LRRC4C: variants seen among roughly 807,000 people sequenced by gnomAD.
LRRC4C encodes the protein leucine rich repeat containing 4C.
A neutral mutation model predicts 33.6 loss-of-function variants in LRRC4C; 5 were observed. That is an observed-to-expected ratio of 0.15 (90% CI 0.08 to 0.31). The LOEUF (loss-of-function observed/expected upper bound fraction) is 0.31, where lower values mean the gene tolerates loss of function less well. Ranked by LOEUF, LRRC4C falls within the 10% of genes least tolerant of loss-of-function variation. LRRC4C has a pLI of 1.00. For synonymous variants in LRRC4C, 329 were observed against 302.0 expected, an observed-to-expected ratio of 1.09 and a Z score of -0.93; for missense variants, 560 against 796.7, an observed-to-expected ratio of 0.70 and a Z score of 3.58.
chr11:40,681,728 C>T (rs754171211), intron 2 of LRRC4C, among the ~76,000 whole-genome samples: 1 of 151,920 alleles, frequency 6.6e-6, no homozygotes, highest in African/African-American at 2.4e-5. Flanking sequence ...GGTGAAACCC[C>T]GTCTCTACAA....
chr11:40,727,677 G>A (rs188776271), intron 2 of LRRC4C, among the ~76,000 whole-genome samples: 1 of 152,068 alleles, frequency 6.6e-6, no homozygotes, highest in Admixed American at 6.5e-5. Flanking sequence ...TCGATATCCC[G>A]AACCTATAAG....
At chr11:40,466,450 A>G (rs112428268) in intron 3 of LRRC4C, among the ~76,000 whole-genome samples, 78 of 151,992 alleles carry the variant, frequency 5.1e-4, no homozygotes, top group Non-Finnish European at 7.1e-4. Flanking sequence ...TAAAAAGAAA[A>G]ATTACTCTGA....
At chr11:40,226,202 G>T (rs1312464953) in intron 5 of LRRC4C, among the ~76,000 whole-genome samples, 1 of 152,174 alleles carries the variant, frequency 6.6e-6, no homozygotes, top group Non-Finnish European at 1.5e-5. Flanking sequence ...CTTGTTCAAA[G>T]TCTTAAGCTC....
intron 2 of LRRC4C, among the ~76,000 whole-genome samples, chr11:40,731,069 C>G (rs530486567): frequency 4.5e-4 from 68 of 152,294 alleles, no homozygotes; most frequent in Middle Eastern, 3.4e-3. Context: ...CCTGTAATCC[C>G]AGCATTCTGG....
rs547622695 is a variant in LRRC4C at position 40,547,410 on chromosome 11, G to A, written c.-270+100732C>T. On this transcript the variant is annotated intron_variant, in intron 3 of 6. Transcript: ENST00000528697. ...CCTATTGCTAAGTGAATCCAGCATG[G>A]TACGCAAGGGTTACAAGCAGTGAGT... 3.3e-5 allele frequency among the ~76,000 whole-genome samples: 5 copies of A among 152,130 alleles called. No individual in the cohort carries two copies. In the South Asian group the frequency reaches 1.0e-3, roughly 32 times the overall value.
At chr11:40,467,455 G>A (rs1230564886) in intron 3 of LRRC4C, among the ~76,000 whole-genome samples, 1 of 152,090 alleles carries the variant, frequency 6.6e-6, no homozygotes, top group Non-Finnish European at 1.5e-5. Context: ...GAAAGTCATA[G>A]CATAACTATG....
chr11:41,034,433 A>AACACAC (rs3067314), intron 1 of LRRC4C, among the ~76,000 whole-genome samples: 2 of 139,202 alleles, frequency 1.4e-5, no homozygotes. Flanking sequence ...GAACAATCCA[A>AACACAC]ACACACACAC....
At chr11:41,449,793 C>T (rs11601124) in intron 1 of LRRC4C, among the ~76,000 whole-genome samples, 278 of 147,770 alleles carry the variant, frequency 1.9e-3, no homozygotes, top group Non-Finnish European at 3.3e-3. Flanking sequence ...AAAGCTTTTT[C>T]GCTTCTTTAA....
intron 3 of LRRC4C, among the ~76,000 whole-genome samples, chr11:40,634,337 C>G (rs1162361524): frequency 6.6e-6 from 1 of 152,064 alleles, no homozygotes; most frequent in Non-Finnish European, 1.5e-5. Flanking sequence ...TATATATACA[C>G]ATATATGTGG....
chr11:40,150,736 C>G (rs188120071), intron 5 of LRRC4C, among the ~76,000 whole-genome samples: 1 of 152,224 alleles, frequency 6.6e-6, no homozygotes, highest in East Asian at 1.9e-4. Flanking sequence ...GCCACCGTGC[C>G]CAGCCTGATT....
intron 4 of LRRC4C, among the ~76,000 whole-genome samples, chr11:40,257,627 G>GCCAATAAAACATAAAAGACGGCTTAGT (rs2136228131): frequency 6.6e-6 from 1 of 152,180 alleles, no homozygotes; most frequent in South Asian, 2.1e-4. Flanking sequence ...TATATTTCCA[G>GCCAATAAAACATAAAAGACGGCTTAGT]CCAATAAAAC....
At chr11:40,118,724 C>T (rs765456032) in intron 6 of LRRC4C, among the ~76,000 whole-genome samples, 5 of 151,818 alleles carry the variant, frequency 3.3e-5, no homozygotes, top group African/African-American at 7.3e-5. Flanking sequence ...GGCCTGAGGA[C>T]GAGAATGAGA....
At chr11:40,672,215 A>G (rs1488478108) in intron 2 of LRRC4C, among the ~76,000 whole-genome samples, 4 of 152,126 alleles carry the variant, frequency 2.6e-5, no homozygotes. Flanking sequence ...TTCATAGATG[A>G]TGCCCTCTCA....
intron 1 of LRRC4C, among the ~76,000 whole-genome samples, chr11:41,231,877 A>G (rs1947817658): frequency 6.6e-6 from 1 of 151,834 alleles, no homozygotes; most frequent in Admixed American, 6.6e-5. Flanking sequence ...ATACTTTTGA[A>G]TCCATGGGTC....
At chr11:40,851,493 G>A (rs1005916352) in intron 2 of LRRC4C, among the ~76,000 whole-genome samples, 1 of 152,180 alleles carries the variant, frequency 6.6e-6, no homozygotes, top group African/African-American at 2.4e-5. Flanking sequence ...CCAGTGAGAT[G>A]AACTGGCTAC....
chr11:40,731,352 A>C (rs1323408230), intron 2 of LRRC4C, among the ~76,000 whole-genome samples: 1 of 151,352 alleles, frequency 6.6e-6, no homozygotes, highest in Non-Finnish European at 1.5e-5. Context: ...AGTGTGAGGC[A>C]CCTCCTCTCC....
intron 3 of LRRC4C, among the ~76,000 whole-genome samples, chr11:40,647,197 A>G (rs1942522110): frequency 6.6e-6 from 1 of 152,234 alleles, no homozygotes; most frequent in Non-Finnish European, 1.5e-5. Flanking sequence ...TATTAATAGG[A>G]AAATGCATGA....
rs185943682 is a variant in LRRC4C, at chr11:40,865,467, G to A, written c.-407+68168C>T. Among the ~76,000 whole-genome samples, 280 of 150,856 alleles carry A rather than the reference G, an allele frequency of 1.9e-3. 2 individuals carry two copies. Among genetic ancestry groups the A allele is most frequent in the African/African-American group, 6.7e-3 (275 of 40,992 alleles). On this transcript the variant is annotated intron_variant, in intron 2 of 6. Coordinates refer to ENST00000528697, the MANE Select transcript of LRRC4C (RefSeq NM_001258419.2). Reference sequence around the variant, plus strand: ...ACCACAAAAATGATGACTATATGAGGCAAGGCATATGCTCATTAGTCAGAT... The same window carrying A: ...ACCACAAAAATGATGACTATATGAGACAAGGCATATGCTCATTAGTCAGAT...
chr11:40,955,580 A>T (rs1958918242), intron 1 of LRRC4C, among the ~76,000 whole-genome samples: 1 of 151,842 alleles, frequency 6.6e-6, no homozygotes, highest in Admixed American at 6.6e-5. Flanking sequence ...ATCTGGATTA[A>T]TGGGTTCAAG....
Sources: gnomAD v4.1 joint callset for allele counts (sites outside exome capture counted in the v4.1 genomes callset) on GRCh38, gnomAD v4.1.1 for gene constraint, MANE v1.5 for transcripts, NCBI Gene and HGNC (gene_info 2026-07-23, HGNC 2026-07-21) for gene names.